TLE7: variants seen among roughly 807,000 people sequenced by gnomAD.
The protein encoded by TLE7 is transducin-like enhancer protein 7.
At chr16:71,434,594 T>C (rs904004151) in intron 1 of TLE7, among the ~76,000 whole-genome samples, 12 of 152,330 alleles carry the variant, frequency 7.9e-5, no homozygotes, top group Admixed American at 3.9e-4. Context: ...GGGAGAGTTT[T>C]ACTTCTCTGT....
intron 8 of TLE7, 96 bp from the exon 9 acceptor site, chr16:71,430,837 C>T: frequency 2.5e-6 from 1 of 397,452 alleles, no homozygotes; most frequent in Non-Finnish European, 4.4e-6. Flanking sequence ...TCTTTCTCTG[C>T]CTGTTTCCCT....
At chr16:71,430,400 A>G in intron 9 of TLE7, 34 bp from the exon 10 acceptor site, 1 of 398,842 alleles carries the variant, frequency 2.5e-6, no homozygotes, top group Non-Finnish European at 4.4e-6. Context: ...CAGGGATCAC[A>G]TTTGGGGCCA....
chr16:71,440,091 G>A (rs1369696730), intron 1 of TLE7, among the ~76,000 whole-genome samples: 1 of 152,188 alleles, frequency 6.6e-6, no homozygotes, highest in Non-Finnish European at 1.5e-5. Flanking sequence ...TGTGAAATAA[G>A]CCAGACACAA....
chr16:71,437,697 G>A (rs1490949957), intron 1 of TLE7, among the ~76,000 whole-genome samples: 2 of 152,146 alleles, frequency 1.3e-5, no homozygotes, highest in Non-Finnish European at 2.9e-5. Context: ...CCTTGCTTTT[G>A]CCTCCATTCC....
At chr16:71,433,918 A>G (rs2042816795) in intron 1 of TLE7, among the ~76,000 whole-genome samples, 1 of 152,238 alleles carries the variant, frequency 6.6e-6, no homozygotes, top group Admixed American at 6.5e-5. Flanking sequence ...AGATCGTGCC[A>G]CTGCACTCCA....
In TLE7 at chr16:71,433,072, G is replaced by T; in HGVS notation, c.253C>A (p.Leu85Ile). ...GCATCAGGGAGCCCAGCGGCCTGGA[G>T]CTCAGATCTACCCAGGCCCTGGAGG... is the stretch of plus-strand genomic sequence containing the variant. ...WHLQGLGRSE[L>I]QAAGLPDAQP... The change falls in exon 2 of 10, where the codon CTC becomes ATC. Residue 85 changes from leucine to isoleucine, a missense_variant. Transcript: ENST00000561754. 1 of 398,672 alleles carries T rather than the reference G, an allele frequency of 2.5e-6. No homozygotes were observed. Among genetic ancestry groups the T allele is most frequent in the Non-Finnish European group, 4.4e-6 (1 of 226,210 alleles). 24.7% of individuals were successfully genotyped at this position (398,672 alleles called of 1,614,324 possible).
Position 71,433,163 on chromosome 16 carries a change from C to T in TLE7, c.162G>A (p.Pro54=), listed in dbSNP as rs973580478. Residue 54 remains proline, a synonymous_variant, in exon 2 of 10, where the codon CCG becomes CCA. Transcript: ENST00000561754. Reference sequence around the variant, plus strand: ...CAGGGCTGTGCTGTATTGGGGGGCCCGGGGGCTGCCAGGGCACTCCCAACA... The same window carrying T: ...CAGGGCTGTGCTGTATTGGGGGGCCTGGGGGCTGCCAGGGCACTCCCAACA... ...GSLLGVPWQP[P]GPPIQHSPAD... is the part of the protein sequence containing the mutation. The T allele has an allele frequency of 2.5e-5, 10 of 398,692 alleles. No homozygotes were observed. Among genetic ancestry groups the T allele is most frequent in the African/African-American group, 1.2e-4 (6 of 48,738 alleles). The allele number at this position is 398,692 out of a possible 1,614,324, so 24.7% of individuals were successfully genotyped here. A position where few individuals can be genotyped will look rare whatever the true frequency, so the allele number is the denominator to read the frequency against.
At chr16:71,432,518 G>A (rs941085778) in intron 4 of TLE7, 147 bp downstream of exon 4, 2 of 397,710 alleles carry the variant, frequency 5.0e-6, no homozygotes, top group African/African-American at 2.1e-5. Flanking sequence ...TTCTCAGGAT[G>A]GGGGAACAGG....
intron 1 of TLE7, among the ~76,000 whole-genome samples, chr16:71,441,381 C>T (rs910842336): frequency 6.6e-6 from 1 of 152,256 alleles, no homozygotes; most frequent in Non-Finnish European, 1.5e-5. Flanking sequence ...CACCGCGTTG[C>T]AATGGCTGCA....
chr16:71,439,195 G>A (rs1301690659), intron 1 of TLE7, among the ~76,000 whole-genome samples: 3 of 152,204 alleles, frequency 2.0e-5, no homozygotes, highest in East Asian at 1.9e-4. Flanking sequence ...CATGGTGGAG[G>A]AGGAGGGCTG....
chr16:71,440,979 G>C (rs962430118), intron 1 of TLE7, among the ~76,000 whole-genome samples: 1 of 152,136 alleles, frequency 6.6e-6, no homozygotes, highest in African/African-American at 2.4e-5. Context: ...CCACAAGCAC[G>C]GTGGCGTCTC....
In TLE7 at chr16:71,432,263, A is replaced by C. The variant is rs557229482; in HGVS notation, c.456T>G (p.Val152=). 1.0e-5 allele frequency: 4 copies of C among 400,746 alleles called. No individual in the cohort carries two copies. The Admixed American group carries it at 1.3e-4, about 13-fold the overall frequency. The allele number at this position is 400,746 out of a possible 1,614,324, so 24.8% of individuals were successfully genotyped here. ...CTCTCTTTCCATGGAAGAGTGTGCC[A>C]ACCTTCCAGGAGCCCTGTGGGGCCC... ...QKRAPQGSWK[V]GTLFHGKRVY... The change falls in exon 5 of 10, where the codon GTT becomes GTG. Residue 152 remains valine (V), a synonymous_variant. Coordinates refer to ENST00000561754, the MANE Select transcript of TLE7 (RefSeq NM_001367365.2).
In TLE7 at chr16:71,431,732, A is replaced by T. The variant is rs1416764537; in HGVS notation, c.851+29T>A. ...CACTGGCAAGCCCTCCCCCAGGTAC[A>T]CCTGAGTGGCTCTGGAGAGAGGTCA... is the stretch of plus-strand genomic sequence containing the variant. On this transcript the variant is annotated intron_variant, in intron 6 of 9. Coordinates refer to ENST00000561754, the MANE Select transcript of TLE7 (RefSeq NM_001367365.2). This position sits in a 1 kb window ranked among gnomAD's most constrained non-coding sequence, Gnocchi z 4.5. 13 of 400,580 alleles carry T rather than the reference A, an allele frequency of 3.2e-5. No individual in the cohort carries two copies. The highest frequency in any genetic ancestry group is 3.1e-4 in the Middle Eastern group (1 of 3,242). 24.8% of individuals were successfully genotyped at this position (400,580 alleles called of 1,614,324 possible). A position where few individuals can be genotyped will look rare whatever the true frequency, so the allele number is the denominator to read the frequency against.
chr16:71,434,719 T>C (rs2042819698), intron 1 of TLE7, among the ~76,000 whole-genome samples: 1 of 152,216 alleles, frequency 6.6e-6, no homozygotes, highest in Admixed American at 6.5e-5. Context: ...ACTGGGTCCA[T>C]GATCAAACTG....
At chr16:71,434,688 TAA>T in intron 1 of TLE7, among the ~76,000 whole-genome samples, 1 of 152,286 alleles carries the variant, frequency 6.6e-6, no homozygotes, top group Middle Eastern at 3.4e-3. Flanking sequence ...ATAGATTTTT[TAA>T]AACTGGAGCT....
chr16:71,437,974 C>T (rs554098221), intron 1 of TLE7, among the ~76,000 whole-genome samples: 1 of 152,294 alleles, frequency 6.6e-6, no homozygotes, highest in South Asian at 2.1e-4. Context: ...CTGATCCAGA[C>T]CCCAAGAGTC....
rs1284190610 is a variant in TLE7, at chr16:71,438,398, C to T, written c.-97+3571G>A. On this transcript the variant is annotated intron_variant, in intron 1 of 9. Coordinates refer to ENST00000561754, the MANE Select transcript of TLE7 (RefSeq NM_001367365.2). ...CAAGATTGCGCCACTCCACTCCAGC[C>T]TGGGTGACAGAACGAGACTCCATCT... Among the ~76,000 whole-genome samples the T allele has an allele frequency of 6.3e-5, 8 of 127,218 alleles. No homozygotes were observed. The East Asian group carries it at 1.7e-3, about 27-fold the overall frequency. The allele number at this position is 127,218 out of a possible 152,430, so 83.5% of individuals were successfully genotyped here.
chr16:71,437,335 T>G (rs1596986808), intron 1 of TLE7, among the ~76,000 whole-genome samples: 6 of 112,382 alleles, frequency 5.3e-5, no homozygotes, highest in Admixed American at 3.7e-4. Flanking sequence ...AGTGACAGAG[T>G]GAGACTCTGT....
intron 1 of TLE7, among the ~76,000 whole-genome samples, chr16:71,434,369 C>T (rs781410419): frequency 6.6e-6 from 1 of 152,150 alleles, no homozygotes; most frequent in Non-Finnish European, 1.5e-5. Context: ...TGCCCAACAG[C>T]CAGCCCTAGG....
Sources: gnomAD v4.1 joint callset for allele counts (sites outside exome capture counted in the v4.1 genomes callset) on GRCh38, gnomAD v4.1.1 for gene constraint, Gnocchi (gnomAD v3.1) non-coding constraint, MANE v1.5 for transcripts, NCBI Gene and HGNC (gene_info 2026-07-23, HGNC 2026-07-21) for gene names.